The following NEIL3 variants were observed in gnomAD, a reference collection of about 807,000 sequenced individuals.
NEIL3 encodes the protein nei like DNA glycosylase 3, also known as endonuclease 8-like 3.
A neutral mutation model predicts 57.5 loss-of-function variants in NEIL3; 48 were observed. That is an observed-to-expected ratio of 0.83 (90% CI 0.66 to 1.06). The LOEUF (loss-of-function observed/expected upper bound fraction) is 1.06, where lower values mean the gene tolerates loss of function less well. NEIL3 is among the 50% of genes least tolerant of loss of function. NEIL3 has a pLI of 0.00. For missense variants in NEIL3, 717 were observed against 739.1 expected (o/e 0.97, Z 0.35); for synonymous variants, 261 against 253.2 (o/e 1.03, Z -0.29).
At chr4:177,341,806 C>T (rs892990273) in intron 6 of NEIL3, among the ~76,000 whole-genome samples, 164 bp downstream of exon 6, 1 of 152,042 alleles carries the variant, frequency 6.6e-6, no homozygotes, top group Non-Finnish European at 1.5e-5. Flanking sequence ...CACCAAAGAA[C>T]CTGAGGGAGC....
chr4:177,365,355 A>G (rs1372612633), downstream of NEIL3, among the ~76,000 whole-genome samples: 1 of 152,216 alleles, frequency 6.6e-6, no homozygotes, highest in East Asian at 1.9e-4. Context: ...ACCACCTGCA[A>G]CCCAGAACTG....
Position 177,310,029 on chromosome 4 carries a change from G to A in NEIL3, c.76G>A (p.Gly26Ser), listed in dbSNP as rs774412372. ...ARVLPGQAVT[G>S]VRGSALRSLQ... Reference sequence around the variant, plus strand: ...GGTGCTCCCGGGCCAGGCGGTGACCGGCGTGCGGGGAAGCGCTCTGCGGAG... The same window carrying A: ...GGTGCTCCCGGGCCAGGCGGTGACCAGCGTGCGGGGAAGCGCTCTGCGGAG... Residue 26 changes from glycine (G) to serine (S), a missense_variant, in exon 1 of 10, where the codon GGC becomes AGC. By Grantham distance (56) the Gly-to-Ser change is moderately conservative (BLOSUM62 0). Transcript: ENST00000264596. 5 of 1,610,232 alleles carry A rather than the reference G, an allele frequency of 3.1e-6. No individual in the cohort carries two copies. The East Asian group carries it at 1.1e-4, about 36-fold the overall frequency.
chr4:177,341,925 T>C (rs34370714), intron 6 of NEIL3, among the ~76,000 whole-genome samples: 1,546 of 146,908 alleles, frequency 0.011, 17 homozygotes, highest in African/African-American at 0.036. Flanking sequence ...TACCAGGAGA[T>C]GTCAATAATT....
chr4:177,365,190 G>A (rs1735677673), downstream of NEIL3, among the ~76,000 whole-genome samples: 1 of 152,076 alleles, frequency 6.6e-6, no homozygotes, highest in East Asian at 1.9e-4. Context: ...TGGACACTGG[G>A]TTCCTACCAC....
At chr4:177,351,942 G>C (rs1300176479) in intron 7 of NEIL3, among the ~76,000 whole-genome samples, 2 of 152,160 alleles carry the variant, frequency 1.3e-5, no homozygotes, top group Non-Finnish European at 2.9e-5. Flanking sequence ...TCTCTTTGCA[G>C]GTGGAATAGA....
intron 8 of NEIL3, among the ~76,000 whole-genome samples, chr4:177,355,985 G>A (rs773405831): frequency 6.6e-6 from 1 of 151,986 alleles, no homozygotes; most frequent in Admixed American, 6.5e-5. Flanking sequence ...AATCCACCAC[G>A]TTTTCACTTT....
intron 1 of NEIL3, among the ~76,000 whole-genome samples, chr4:177,317,320 G>A (rs954268082): frequency 2.0e-5 from 3 of 152,126 alleles, no homozygotes; most frequent in African/African-American, 4.8e-5. Context: ...ACTTTAGTTG[G>A]AGGTTCTCTT....
intron 2 of NEIL3, among the ~76,000 whole-genome samples, chr4:177,325,886 T>G (rs960461054): frequency 3.3e-5 from 5 of 152,152 alleles, no homozygotes; most frequent in African/African-American, 1.2e-4. Context: ...TCCTTTTTTA[T>G]TGGATATATT....
intron 5 of NEIL3, among the ~76,000 whole-genome samples, chr4:177,340,379 A>G (rs752469366): frequency 2.0e-5 from 3 of 152,188 alleles, no homozygotes; most frequent in Non-Finnish European, 4.4e-5. Flanking sequence ...CTGACTTGTA[A>G]ATGTGGAAAG....
chr4:177,321,543 C>T (rs6835347), intron 1 of NEIL3, among the ~76,000 whole-genome samples: 1 of 151,952 alleles, frequency 6.6e-6, no homozygotes, highest in African/African-American at 2.4e-5. Flanking sequence ...ACCAAACGCC[C>T]TTTCTTTTCT....
intron 1 of NEIL3, among the ~76,000 whole-genome samples, chr4:177,313,857 T>C (rs1455586108): frequency 6.6e-6 from 1 of 152,212 alleles, no homozygotes; most frequent in African/African-American, 2.4e-5. Context: ...TTTTGAATAG[T>C]GCAAAGTGAT....
In NEIL3 at chr4:177,309,886, G is replaced by T; in HGVS notation, c.-68G>T. ...TCTGCGTGCGGTCAGTGCCCGCGCA[G>T]CGTTGAGTTGCACAGCGGTATTCTC... On this transcript the variant is annotated 5_prime_UTR_variant, in exon 1 of 10. Coordinates refer to ENST00000264596, the MANE Select transcript of NEIL3 (RefSeq NM_018248.3). 1 of 1,542,774 alleles carries T rather than the reference G, an allele frequency of 6.5e-7. No individual in the cohort carries two copies. Among genetic ancestry groups the T allele is most frequent in the Non-Finnish European group, 8.7e-7 (1 of 1,147,540 alleles).
At chr4:177,351,659 C>A (rs1184317375) in intron 7 of NEIL3, 110 bp downstream of exon 7, 1 of 903,154 alleles carries the variant, frequency 1.1e-6, no homozygotes, top group Non-Finnish European at 1.7e-6. Flanking sequence ...AATAAAATTT[C>A]TTTCTCAAAG....
chr4:177,359,319 A>G (rs12507296), intron 8 of NEIL3, among the ~76,000 whole-genome samples: 16,504 of 152,286 alleles, frequency 0.11, 1,012 homozygotes, highest in South Asian at 0.17. Context: ...AACTGCCCTC[A>G]GAATGTTTGA....
chr4:177,338,473 A>G (rs944202542), intron 4 of NEIL3, among the ~76,000 whole-genome samples: 2 of 152,140 alleles, frequency 1.3e-5, no homozygotes, highest in Non-Finnish European at 2.9e-5. Context: ...TTTTTCATTC[A>G]TGTTTGATTG....
intron 8 of NEIL3, chr4:177,353,994 G>A (rs1417504020): frequency 2.7e-5 from 9 of 334,224 alleles, no homozygotes; most frequent in Non-Finnish European, 3.3e-5. Context: ...TCAATCTCCT[G>A]ATCTCAAGTT....
intron 2 of NEIL3, among the ~76,000 whole-genome samples, chr4:177,334,730 T>C (rs778911117): frequency 6.6e-6 from 1 of 152,190 alleles, no homozygotes; most frequent in Non-Finnish European, 1.5e-5. Flanking sequence ...TGGTTAACCT[T>C]GTACAATACT....
chr4:177,352,965 C>G (rs1735390830), intron 7 of NEIL3, among the ~76,000 whole-genome samples: 1 of 152,110 alleles, frequency 6.6e-6, no homozygotes, highest in Non-Finnish European at 1.5e-5. Flanking sequence ...TATGGGATAT[C>G]ATCTCTCAAC....
intron 1 of NEIL3, among the ~76,000 whole-genome samples, chr4:177,320,096 A>G (rs1273585894): frequency 1.3e-5 from 2 of 152,190 alleles, no homozygotes; most frequent in African/African-American, 4.8e-5. Flanking sequence ...GCAAGTTTAT[A>G]GGAACTTTTT....
Sources: gnomAD v4.1 joint callset for allele counts (sites outside exome capture counted in the v4.1 genomes callset) on GRCh38, gnomAD v4.1.1 for gene constraint, MANE v1.5 for transcripts, NCBI Gene and HGNC (gene_info 2026-07-23, HGNC 2026-07-21) for gene names.